CDH13: variants seen among roughly 807,000 people sequenced by gnomAD.
CDH13 encodes the protein cadherin-13.
Under a neutral mutation model 63.8 loss-of-function variants are expected in CDH13, and 24 were observed. The observed-to-expected ratio is 0.38, with a 90% CI of 0.27 to 0.53. CDH13 has a LOEUF of 0.53. Ranked by LOEUF, CDH13 falls within the 20% of genes least tolerant of loss-of-function variation. The pLI, the probability that CDH13 is intolerant of heterozygous loss-of-function variation, is 0.85. For synonymous variants in CDH13, 503 were observed against 355.3 expected (o/e 1.42, Z -4.67); for missense variants, 1,049 against 903.1 (o/e 1.16, Z -2.07).
At chr16:82,744,713 G>A (rs1340707200) in intron 1 of CDH13, among the ~76,000 whole-genome samples, 5 of 152,182 alleles carry the variant, frequency 3.3e-5, no homozygotes, top group Admixed American at 1.3e-4. Flanking sequence ...AGGCACTGCA[G>A]TGAATACTTC....
At chr16:83,671,236 G>GAA (rs1167612940) in intron 9 of CDH13, among the ~76,000 whole-genome samples, 1 of 152,080 alleles carries the variant, frequency 6.6e-6, no homozygotes, top group African/African-American at 2.4e-5. Context: ...AAACTTAAGT[G>GAA]CATTTTTTAT....
At chr16:82,920,122 A>G (rs1211397596) in intron 2 of CDH13, among the ~76,000 whole-genome samples, 2 of 152,204 alleles carry the variant, frequency 1.3e-5, no homozygotes, top group African/African-American at 4.8e-5. Context: ...CGAGAAGTCC[A>G]TGAATAGGGC....
chr16:82,853,809 T>C (rs1470343080), intron 1 of CDH13, among the ~76,000 whole-genome samples: 1 of 152,240 alleles, frequency 6.6e-6, no homozygotes, highest in Non-Finnish European at 1.5e-5. Context: ...AAGACTATGA[T>C]TGCCGTGGCA....
At chr16:83,322,591 C>T (rs907469388) in intron 5 of CDH13, among the ~76,000 whole-genome samples, 1 of 152,136 alleles carries the variant, frequency 6.6e-6, no homozygotes, top group Non-Finnish European at 1.5e-5. Flanking sequence ...GCAGTATATA[C>T]CTGCACACAG....
rs1038182895 is a variant in CDH13, at chr16:83,131,191, C to T, written c.483+5690C>T. ...TATAAGGGGGTGTATGACCCCCCCC[C>T]CCCCCCCCCCGCCCACAGACACACA... On this transcript the variant is annotated intron_variant, in intron 4 of 13. Transcript: ENST00000567109. Among the ~76,000 whole-genome samples the T allele has an allele frequency of 2.6e-4, 32 of 124,042 alleles. 3 individuals are homozygous for T. The highest frequency in any genetic ancestry group is 9.9e-4 in the African/African-American group (31 of 31,416). The allele number at this position is 124,042 out of a possible 152,430, so 81.4% of individuals were successfully genotyped here.
rs1297290973 is a variant in CDH13, at chr16:83,602,538, G to T, written c.1045G>T (p.Ala349Ser). The T allele has an allele frequency of 6.2e-7, 1 of 1,613,850 alleles. No individual in the cohort carries two copies. Among genetic ancestry groups the T allele is most frequent in the African/African-American group, 1.3e-5 (1 of 74,922 alleles). ...TGTTGGATTAACAGGCACGGCCACA[G>T]CCACGATCATGATCGATGACAAAAA... is the stretch of plus-strand genomic sequence containing the variant. The part of the protein sequence containing the change: ...LDVGLTGTAT[A>S]TIMIDDKNDH... Residue 349 changes from alanine (A) to serine (S), a missense_variant, in exon 8 of 14, where the codon GCC becomes TCC. Coordinates refer to ENST00000567109, the MANE Select transcript of CDH13 (RefSeq NM_001257.5).
intron 5 of CDH13, among the ~76,000 whole-genome samples, chr16:83,233,197 C>G (rs1042480452): frequency 1.3e-5 from 2 of 152,150 alleles, no homozygotes; most frequent in African/African-American, 4.8e-5. Context: ...TTTTCTTTCC[C>G]AGCAGTTTTC....
rs141640680 is a variant in CDH13, at chr16:83,468,489, C to G, written c.782-17988C>G. Among the ~76,000 whole-genome samples the G allele has an allele frequency of 1.6e-4, 24 of 152,256 alleles. No individual in the cohort carries two copies. In the Middle Eastern group the frequency reaches 0.01, roughly 65 times the overall value. ...CCAAATATCCGAAATCCTAAGCCAC[C>G]CAGTTCGTGGTATTTGTTACAGCAT... On this transcript the variant is annotated intron_variant, in intron 6 of 13. Coordinates refer to ENST00000567109, the MANE Select transcript of CDH13 (RefSeq NM_001257.5).
intron 2 of CDH13, among the ~76,000 whole-genome samples, chr16:82,881,180 G>T (rs151160628): frequency 1.3e-5 from 2 of 152,264 alleles, no homozygotes; most frequent in East Asian, 1.9e-4. Flanking sequence ...TAATCTTTGT[G>T]CATGTGCTTG....
intron 6 of CDH13, among the ~76,000 whole-genome samples, chr16:83,368,578 A>G (rs1473817605): frequency 1.3e-5 from 2 of 151,806 alleles, no homozygotes; most frequent in East Asian, 3.9e-4. Flanking sequence ...TACATGAGTA[A>G]GTTCTTTAGC....
chr16:83,469,905 C>T (rs1567694281), intron 6 of CDH13, among the ~76,000 whole-genome samples: 1 of 152,210 alleles, frequency 6.6e-6, no homozygotes, highest in Non-Finnish European at 1.5e-5. Context: ...GAGGCTGCTG[C>T]AGTTTCTCCA....
chr16:83,698,384 C>G (rs1272942422), intron 10 of CDH13, among the ~76,000 whole-genome samples: 1 of 152,220 alleles, frequency 6.6e-6, no homozygotes, highest in East Asian at 1.9e-4. Flanking sequence ...GAAACTGCTT[C>G]TGTTTCTTTA....
chr16:82,825,780 C>G (rs928451919), intron 1 of CDH13: 1 of 152,000 alleles, frequency 6.6e-6, no homozygotes, highest in Non-Finnish European at 1.5e-5. Flanking sequence ...TTCCTGAGCT[C>G]AGGTGATCCA....
intron 1 of CDH13, among the ~76,000 whole-genome samples, chr16:82,692,647 CCTT>C (rs1294289583): frequency 6.6e-6 from 1 of 152,164 alleles, no homozygotes; most frequent in South Asian, 2.1e-4. Flanking sequence ...ACATCAGAAA[CCTT>C]CTGAGAGGAT....
chr16:83,492,992 A>C (rs1387371), intron 7 of CDH13, among the ~76,000 whole-genome samples: 151,934 of 152,292 alleles, frequency 1, 75,789 homozygotes, highest in Middle Eastern at 1. Context: ...AAGGGCATAG[A>C]CTACCTGTGT....
intron 3 of CDH13, among the ~76,000 whole-genome samples, chr16:83,069,468 C>T (rs2032276643): frequency 6.6e-6 from 1 of 152,164 alleles, no homozygotes; most frequent in Admixed American, 6.6e-5. Flanking sequence ...TGTAACAGCC[C>T]CCCCTAAGGT....
chr16:83,624,046 C>T lies in CDH13; in HGVS notation c.1101+21452C>T, dbSNP rs139713457. On this transcript the variant is annotated intron_variant, in intron 8 of 13. Coordinates refer to ENST00000567109, the MANE Select transcript of CDH13 (RefSeq NM_001257.5). Reference sequence around the variant, plus strand: ...GGGAGGTTCCGGGGCTTTCCAGCTTCAGGTGCAGCTGCGTCTAAGCCCTCA... The same window carrying T: ...GGGAGGTTCCGGGGCTTTCCAGCTTTAGGTGCAGCTGCGTCTAAGCCCTCA... Among the ~76,000 whole-genome samples the T allele has an allele frequency of 3.3e-5, 5 of 152,298 alleles. No individual in the cohort carries two copies. The East Asian group carries it at 9.7e-4, about 29-fold the overall frequency.
intron 1 of CDH13, among the ~76,000 whole-genome samples, chr16:82,810,737 G>T (rs571371941): frequency 6.6e-6 from 1 of 152,106 alleles, no homozygotes; most frequent in Admixed American, 6.6e-5. Flanking sequence ...TGGGTTTTGC[G>T]TGTGAAGAGC....
At chr16:83,129,534 C>T (rs2035957436) in intron 4 of CDH13, among the ~76,000 whole-genome samples, 1 of 152,148 alleles carries the variant, frequency 6.6e-6, no homozygotes, top group Non-Finnish European at 1.5e-5. Context: ...ATGTCAGGGG[C>T]TAACTTTAAC....
Sources: allele counts gnomAD v4.1 joint callset (sites outside exome capture counted in the v4.1 genomes callset), GRCh38; gene constraint gnomAD v4.1.1; transcripts MANE v1.5; gene names NCBI Gene and HGNC (gene_info 2026-07-23, HGNC 2026-07-21).